The following DENND4A variants were observed in gnomAD, a reference collection of about 807,000 sequenced individuals.
DENND4A encodes the protein C-myc promoter-binding protein.
Under a neutral mutation model 199.3 loss-of-function variants are expected in DENND4A, and 70 were observed. The ratio of observed to expected loss-of-function variants is 0.35; its 90% CI spans 0.29 to 0.43. DENND4A has a LOEUF of 0.43. DENND4A is among the 20% of genes least tolerant of loss of function. The pLI is 1.00. For missense variants in DENND4A, 1,723 were observed against 2,255.8 expected (o/e 0.76, Z 4.78); for synonymous variants, 686 against 766.9 (o/e 0.89, Z 1.74).
At position 65,696,505 on chromosome 15, in the gene DENND4A, GATGAAA is replaced by G; in HGVS notation, c.2951-14_2951-9del. The stretch of plus-strand genomic sequence containing the variant: ...TACTCTCACTCTCTGACACTGTAAA[GATGAAA>G]ATGAAAATGTTAATAAAATGAAATC... On this transcript the variant is annotated splice_polypyrimidine_tract_variant and intron_variant, in intron 21 of 32. Transcript: ENST00000443035. 1.9e-6 allele frequency: 3 copies of G among 1,601,110 alleles called. No homozygotes were observed. The highest frequency in any genetic ancestry group is 2.6e-6 in the Non-Finnish European group (3 of 1,171,448).
Position 65,691,439 on chromosome 15 carries a change from C to A in DENND4A, c.3155G>T (p.Cys1052Phe), listed in dbSNP as rs745842899. Residue 1052 changes from cysteine to phenylalanine, a missense_variant, in exon 23 of 33, where the codon TGC (cysteine) becomes TTC (phenylalanine). By Grantham distance (205) the Cys-to-Phe change is radical. Coordinates refer to ENST00000443035, the MANE Select transcript of DENND4A (RefSeq NM_001320835.1). ...GTCACTTTTATGTCTTTTCCTGAAG[C>A]ATCTACTTTGAATGTTTCGTGTTTC... is the stretch of plus-strand genomic sequence containing the variant. ...TNETRNIQSR[C>F]FRKRHKSDNE... The A allele has an allele frequency of 3.1e-6, 5 of 1,613,138 alleles. No homozygotes were observed. The highest frequency in any genetic ancestry group is 4.2e-6 in the Non-Finnish European group (5 of 1,179,620).
intron 3 of DENND4A, among the ~76,000 whole-genome samples, chr15:65,754,657 A>G (rs1401071667): frequency 1.3e-5 from 2 of 152,260 alleles, no homozygotes; most frequent in African/African-American, 4.8e-5. Flanking sequence ...CAGTAAGCAC[A>G]TAAAAAGATG....
In DENND4A at chr15:65,697,093, T is replaced by C. The variant is rs535565033; in HGVS notation, c.2950+174A>G. The stretch of plus-strand genomic sequence containing the variant: ...TTTGCCACTGAGGCTATATACTTCA[T>C]ACATAAAGCATTTGTATGAGAGTAT... On this transcript the variant is annotated intron_variant, in intron 21 of 32. Coordinates refer to ENST00000443035, the MANE Select transcript of DENND4A (RefSeq NM_001320835.1). Among the ~76,000 whole-genome samples, 7 of 152,304 alleles carry C rather than the reference T, an allele frequency of 4.6e-5. No homozygotes were observed. In the East Asian group the frequency reaches 5.8e-4, roughly 13 times the overall value.
intron 22 of DENND4A, among the ~76,000 whole-genome samples, chr15:65,692,231 A>G (rs1243434158): frequency 6.6e-6 from 1 of 152,214 alleles, no homozygotes; most frequent in Non-Finnish European, 1.5e-5. Flanking sequence ...CCTTATAACT[A>G]TAAATGGGGC....
At chr15:65,729,763 T>C in intron 9 of DENND4A, 85 bp from the exon 10 acceptor site, 1 of 1,246,356 alleles carries the variant, frequency 8.0e-7, no homozygotes, top group South Asian at 1.6e-5. Flanking sequence ...AGTAGTTGAT[T>C]AGAGTAGGAT....
At chr15:65,705,532 T>C (rs558421809) in intron 15 of DENND4A, among the ~76,000 whole-genome samples, 3 of 152,296 alleles carry the variant, frequency 2.0e-5, no homozygotes. Context: ...ATCGTTTAAG[T>C]CTGTATACTT....
chr15:65,685,014 C>G (rs961993773), intron 23 of DENND4A, among the ~76,000 whole-genome samples: 2 of 151,512 alleles, frequency 1.3e-5, no homozygotes, highest in African/African-American at 4.8e-5. Context: ...TTAGTAGAAA[C>G]GGGGGTTTCA....
chr15:65,668,455 C>T (rs1385234130), intron 27 of DENND4A, among the ~76,000 whole-genome samples: 10 of 152,212 alleles, frequency 6.6e-5, no homozygotes, highest in African/African-American at 2.2e-4. Flanking sequence ...GCCATCTGCC[C>T]ACCTCGGCCT....
rs1173237476 is a variant in DENND4A, at chr15:65,773,001, G to GC, written c.-101-11564dup. ...GGAAATCAATTTCTATTGTTTCTAAGCAAAAAAAAAAAAAAAAAAAAAAAA... is the reference window on the plus strand; with the variant it reads ...GGAAATCAATTTCTATTGTTTCTAAGCCAAAAAAAAAAAAAAAAAAAAAAAA... On this transcript the variant is annotated intron_variant, in intron 1 of 32. Coordinates refer to ENST00000443035, the MANE Select transcript of DENND4A (RefSeq NM_001320835.1). Among the ~76,000 whole-genome samples the GC allele has an allele frequency of 2.1e-3, 17 of 7,952 alleles. No homozygotes were observed. In the Admixed American group the frequency reaches 0.033, roughly 15 times the overall value. 5.2% of individuals were successfully genotyped at this position (7,952 alleles called of 152,430 possible).
intron 4 of DENND4A, 64 bp downstream of exon 4, chr15:65,752,315 A>ATTT: frequency 4.2e-6 from 1 of 239,248 alleles, no homozygotes; most frequent in Non-Finnish European, 7.5e-6. Flanking sequence ...AAAAAAAAAG[A>ATTT]TGTATTTAAA....
At chr15:65,776,164 A>C (rs1446212087) in intron 1 of DENND4A, among the ~76,000 whole-genome samples, 1 of 152,238 alleles carries the variant, frequency 6.6e-6, no homozygotes, top group Non-Finnish European at 1.5e-5. Context: ...AAGAGTAAGC[A>C]ATGTTACACC....
At position 65,717,835 on chromosome 15, in the gene DENND4A, T is replaced by C; in HGVS notation, c.1750A>G (p.Ile584Val). 2 of 1,606,136 alleles carry C rather than the reference T, an allele frequency of 1.2e-6. No homozygotes were observed. Among genetic ancestry groups the C allele is most frequent in the Non-Finnish European group, 8.5e-7 (1 of 1,175,852 alleles). The change falls in exon 13 of 33, where the codon ATA (isoleucine) becomes GTA (valine). Residue 584 changes from isoleucine (I) to valine (V), a missense_variant. Coordinates refer to ENST00000443035, the MANE Select transcript of DENND4A (RefSeq NM_001320835.1). Reference sequence around the variant, plus strand: ...GCTGTCTCAGATGGGGCTTGTGTTATTGGCCTTAAGTATGATCTGTAACCT... The same window carrying C: ...GCTGTCTCAGATGGGGCTTGTGTTACTGGCCTTAAGTATGATCTGTAACCT... ...LKGYRSYLRP[I>V]TQAPSETATD...
At chr15:65,722,725 C>A in intron 12 of DENND4A, 123 bp downstream of exon 12, 2 of 659,020 alleles carry the variant, frequency 3.0e-6, no homozygotes. Context: ...TAATGATCAT[C>A]TGCCTTTAAA....
chr15:65,680,308 G>C (rs962419187), intron 23 of DENND4A, among the ~76,000 whole-genome samples: 1 of 152,088 alleles, frequency 6.6e-6, no homozygotes, highest in African/African-American at 2.4e-5. Flanking sequence ...TTTCAGAAAG[G>C]TATGAAAATT....
chr15:65,743,938 A>C (rs2076321043), intron 4 of DENND4A, among the ~76,000 whole-genome samples: 1 of 143,850 alleles, frequency 7.0e-6, no homozygotes, highest in Non-Finnish European at 1.5e-5. Flanking sequence ...GAGATAGTGA[A>C]AGCCACTGGA....
At chr15:65,750,930 G>C (rs960052934) in intron 4 of DENND4A, among the ~76,000 whole-genome samples, 1 of 152,084 alleles carries the variant, frequency 6.6e-6, no homozygotes, top group African/African-American at 2.4e-5. Flanking sequence ...AGCAGAAGTG[G>C]AAGAACTGAT....
intron 1 of DENND4A, among the ~76,000 whole-genome samples, chr15:65,764,878 C>T (rs926454682): frequency 1.6e-4 from 24 of 146,974 alleles, no homozygotes; most frequent in African/African-American, 4.8e-4. Flanking sequence ...AGGCTAAGGT[C>T]GGAGGATTGC....
intron 1 of DENND4A, among the ~76,000 whole-genome samples, chr15:65,775,989 T>C (rs1195641186): frequency 2.0e-5 from 3 of 152,226 alleles, no homozygotes; most frequent in South Asian, 2.1e-4. Flanking sequence ...CTATGTAATA[T>C]TGGAGACCTG....
At chr15:65,670,719 A>G (rs907580635) in intron 25 of DENND4A, among the ~76,000 whole-genome samples, 1 of 152,244 alleles carries the variant, frequency 6.6e-6, no homozygotes, top group Non-Finnish European at 1.5e-5. Flanking sequence ...AAATGAAAAC[A>G]ACCCTGGTCT....
Sources: allele counts gnomAD v4.1 joint callset (sites outside exome capture counted in the v4.1 genomes callset), GRCh38; gene constraint gnomAD v4.1.1; transcripts MANE v1.5; gene names NCBI Gene and HGNC (gene_info 2026-07-23, HGNC 2026-07-21).